Variants in MCC observed in about 807,000 individuals in gnomAD.
MCC encodes colorectal mutant cancer protein.
A neutral mutation model predicts 116.2 loss-of-function variants in MCC; 90 were observed. The ratio of observed to expected loss-of-function variants is 0.77; its 90% CI spans 0.65 to 0.92. The LOEUF (loss-of-function observed/expected upper bound fraction) is 0.92, where lower values mean the gene tolerates loss of function less well. MCC is among the 40% of genes least tolerant of loss of function. MCC has a pLI of 0.00. For synonymous variants in MCC, 578 were observed against 510.5 expected (o/e 1.13, Z -1.78); for missense variants, 1,516 against 1,312.2 (o/e 1.16, Z -2.40).
chr5:113,403,242 C>T (rs1769741261), intron 1 of MCC, among the ~76,000 whole-genome samples: 1 of 152,110 alleles, frequency 6.6e-6, no homozygotes, highest in Non-Finnish European at 1.5e-5. Context: ...GGTAGCTTGC[C>T]ATCATTGTTT....
Position 113,434,031 on chromosome 5 carries a change from C to A in MCC, c.171-48819G>T. On this transcript the variant is annotated intron_variant, in intron 1 of 18. Transcript: ENST00000408903. The surrounding 1 kb of genome is among the most constrained non-coding windows in gnomAD (Gnocchi z 4.2). The stretch of plus-strand genomic sequence containing the variant: ...TCCCCGTGCCTTGGGCTGCATCCAG[C>A]AGTGGCTGAGGATCTCGTCGATGTG... 6.2e-7 allele frequency: 1 copy of A among 1,614,054 alleles called. No homozygotes were observed. Among genetic ancestry groups the A allele is most frequent in the Non-Finnish European group, 8.5e-7 (1 of 1,179,902 alleles).
chr5:113,165,632 G>A (rs149920928), intron 3 of MCC, among the ~76,000 whole-genome samples: 2 of 152,270 alleles, frequency 1.3e-5, no homozygotes, highest in African/African-American at 4.8e-5. Flanking sequence ...ATAAAGAGGA[G>A]GCCACCATGA....
At chr5:113,241,915 G>C (rs1450578079) in intron 3 of MCC, among the ~76,000 whole-genome samples, 3 of 152,190 alleles carry the variant, frequency 2.0e-5, no homozygotes, top group Non-Finnish European at 4.4e-5. Context: ...TTCCCATAGA[G>C]CTTCAAATCA....
At chr5:113,373,934 C>G (rs1768907319) in intron 2 of MCC, among the ~76,000 whole-genome samples, 1 of 151,340 alleles carries the variant, frequency 6.6e-6, no homozygotes, top group African/African-American at 2.4e-5. Context: ...CAGGGTCTCA[C>G]TCTGTCACCC....
intron 3 of MCC, among the ~76,000 whole-genome samples, chr5:113,163,304 AAAT>A (rs1397780960): frequency 4.6e-5 from 7 of 152,360 alleles, no homozygotes; most frequent in Non-Finnish European, 4.4e-5. Flanking sequence ...AAATAATCAA[AAAT>A]AATAAGTTTT....
intron 6 of MCC, among the ~76,000 whole-genome samples, chr5:113,111,416 C>A (rs73237140): frequency 0.033 from 5,069 of 152,246 alleles, 144 homozygotes; most frequent in East Asian, 0.08. Flanking sequence ...AATGTGTGTG[C>A]CCTGCGATGG....
Position 113,104,329 on chromosome 5 carries a change from G to T in MCC, c.1054C>A (p.Leu352Met), listed in dbSNP as rs1297680383. 5 of 1,613,158 alleles carry T rather than the reference G, an allele frequency of 3.1e-6. No homozygotes were observed. The highest frequency in any genetic ancestry group is 2.5e-6 in the Non-Finnish European group (3 of 1,179,782). Residue 352 changes from leucine (L) to methionine (M), a missense_variant, in exon 7 of 19, where the codon CTG (leucine) becomes ATG (methionine). Physicochemically the swap from Leu to Met is conservative, Grantham distance 15. Coordinates refer to ENST00000408903, the MANE Select transcript of MCC (RefSeq NM_001085377.2). ...TCCAGCCCTGTCAGCACCCTCTGCA[G>T]TTCTGAGTTCAGGTCACTGCAGTTG... ...MDNCSDLNSE[L>M]QRVLTGLENV...
chr5:113,470,507 G>A (rs1275403884), intron 1 of MCC, among the ~76,000 whole-genome samples: 4 of 152,170 alleles, frequency 2.6e-5, no homozygotes, highest in Middle Eastern at 6.8e-3. Context: ...TTGAATATTC[G>A]TCCCCACTCT....
chr5:113,433,615 G>C, intron 1 of MCC: 1 of 1,254,566 alleles, frequency 8.0e-7, no homozygotes, highest in South Asian at 1.6e-5. Flanking sequence ...GGAGAGAGAA[G>C]AAGCTGATGA....
intron 2 of MCC, among the ~76,000 whole-genome samples, chr5:113,377,500 G>A (rs1769016978): frequency 6.6e-6 from 1 of 152,124 alleles, no homozygotes; most frequent in Non-Finnish European, 1.5e-5. Flanking sequence ...ATATTAGGAA[G>A]CCATAGCAGC....
intron 12 of MCC, among the ~76,000 whole-genome samples, chr5:113,069,670 G>T (rs1393203783): frequency 6.6e-6 from 1 of 152,216 alleles, no homozygotes; most frequent in South Asian, 2.1e-4. Flanking sequence ...CCAGGTTCAC[G>T]CCATTATCCT....
intron 3 of MCC, among the ~76,000 whole-genome samples, chr5:113,232,828 T>C (rs1763984649): frequency 6.6e-6 from 1 of 152,140 alleles, no homozygotes; most frequent in Non-Finnish European, 1.5e-5. Context: ...CCAGATGGTC[T>C]GGGCTTAAAG....
rs61451344 is a variant in MCC at position 113,070,394 on chromosome 5, G to A, written c.1925+700C>T. Among the ~76,000 whole-genome samples, 706 of 151,798 alleles carry A rather than the reference G, an allele frequency of 4.7e-3. 8 individuals are homozygous for A. Among genetic ancestry groups the A allele is most frequent in the African/African-American group, 0.016 (682 of 41,410 alleles). On this transcript the variant is annotated intron_variant, in intron 12 of 18. Transcript: ENST00000408903. Reference sequence around the variant, plus strand: ...AACAGATAAATTTCAAAGTGATGAGGCAGAAAAAAAAAAGTGGCCCATTCA... The same window carrying A: ...AACAGATAAATTTCAAAGTGATGAGACAGAAAAAAAAAAGTGGCCCATTCA...
intron 3 of MCC, among the ~76,000 whole-genome samples, chr5:113,326,930 A>C (rs76961311): frequency 0.032 from 4,880 of 152,316 alleles, 107 homozygotes; most frequent in East Asian, 0.075. Context: ...AGAGTGCAGC[A>C]TTTCCTTGCA....
chr5:113,115,651 C>T (rs1190015423), intron 6 of MCC, among the ~76,000 whole-genome samples: 1 of 152,150 alleles, frequency 6.6e-6, no homozygotes, highest in African/African-American at 2.4e-5. Flanking sequence ...CATCCACCTC[C>T]AGCCTCGGTG....
chr5:113,193,640 A>AAAT (rs1431031311), intron 3 of MCC, among the ~76,000 whole-genome samples: 1 of 152,154 alleles, frequency 6.6e-6, no homozygotes, highest in Non-Finnish European at 1.5e-5. Flanking sequence ...AACGATAGAG[A>AAAT]AATACATAAA....
chr5:113,055,420 T>C (rs1047066351), intron 14 of MCC, among the ~76,000 whole-genome samples: 4 of 152,248 alleles, frequency 2.6e-5, no homozygotes, highest in Admixed American at 6.5e-5. Flanking sequence ...CTCTTGTACA[T>C]GACACATTGC....
chr5:113,369,016 G>A (rs1224928682), intron 2 of MCC, among the ~76,000 whole-genome samples: 1 of 152,210 alleles, frequency 6.6e-6, no homozygotes, highest in Non-Finnish European at 1.5e-5. Context: ...ATATTGTAAG[G>A]GAAACAGATG....
chr5:113,130,861 T>G (rs1030124957), intron 5 of MCC, among the ~76,000 whole-genome samples: 1 of 152,136 alleles, frequency 6.6e-6, no homozygotes, highest in Admixed American at 6.5e-5. Flanking sequence ...ATAAACCTCT[T>G]CTATTTATAA....
Sources: allele counts gnomAD v4.1 joint callset (sites outside exome capture counted in the v4.1 genomes callset), GRCh38; gene constraint gnomAD v4.1.1; non-coding constraint Gnocchi (gnomAD v3.1); transcripts MANE v1.5; gene names NCBI Gene and HGNC (gene_info 2026-07-23, HGNC 2026-07-21).